Variants in MYT1 observed in about 807,000 individuals in gnomAD.
MYT1 encodes myelin transcription factor 1.
A neutral mutation model predicts 123.0 loss-of-function variants in MYT1; 23 were observed. The observed-to-expected ratio is 0.19, with a 90% CI of 0.13 to 0.26. MYT1 has a LOEUF of 0.26. Among genes scored for constraint, MYT1 ranks in the 10% least tolerant of loss-of-function variants. The probability of loss-of-function intolerance (pLI) is 1.00; values close to 1 mark genes in which losing one functional copy is unlikely to be tolerated. For synonymous variants in MYT1, 518 were observed against 575.3 expected (o/e 0.90, Z 1.43); for missense variants, 1,125 against 1,472.5 (o/e 0.76, Z 3.86).
At chr20:64,219,328 T>G (rs1266679867) in intron 12 of MYT1, among the ~76,000 whole-genome samples, 1 of 152,216 alleles carries the variant, frequency 6.6e-6, no homozygotes, top group Non-Finnish European at 1.5e-5. Context: ...CCTCTGAGCC[T>G]GAGGGTGGTG....
intron 10 of MYT1, among the ~76,000 whole-genome samples, chr20:64,214,508 G>A (rs1207046341): frequency 1.3e-5 from 2 of 152,188 alleles, no homozygotes; most frequent in Non-Finnish European, 2.9e-5. Flanking sequence ...AAGGCCAGAG[G>A]CTCAGAGAGT....
intron 16 of MYT1, among the ~76,000 whole-genome samples, chr20:64,225,045 G>A (rs1053839687): frequency 3.3e-5 from 5 of 152,116 alleles, no homozygotes; most frequent in Admixed American, 6.5e-5. Context: ...AAAGTGAACC[G>A]CTCATCAGCA....
intron 4 of MYT1, among the ~76,000 whole-genome samples, chr20:64,201,886 G>A (rs1218611680): frequency 7.1e-6 from 1 of 141,154 alleles, no homozygotes; most frequent in South Asian, 2.1e-4. Flanking sequence ...AGAGTCACCT[G>A]TCGGGAACCC....
In MYT1 at chr20:64,228,039, A is replaced by C. The variant is rs1014514492; in HGVS notation, c.2675+68A>C. On this transcript the variant is annotated intron_variant, in intron 18 of 22. Transcript: ENST00000328439. The stretch of plus-strand genomic sequence containing the variant: ...GAGATTTTCGTGTGTTTTATAATGT[A>C]AAAAAACTCCTACTAGATTCCCTTT... The C allele has an allele frequency of 3.5e-6, 5 of 1,447,440 alleles. No homozygotes were observed. The South Asian group carries it at 3.6e-5, about 10-fold the overall frequency. The allele number at this position is 1,447,440 out of a possible 1,614,324, so 89.7% of individuals were successfully genotyped here. A position where few individuals can be genotyped will look rare whatever the true frequency, so the allele number is the denominator to read the frequency against.
At chr20:64,237,514 C>T (rs1196429244) in intron 21 of MYT1, 124 bp downstream of exon 21, 8 of 721,522 alleles carry the variant, frequency 1.1e-5, no homozygotes, top group Non-Finnish European at 6.9e-6. Context: ...TGACGGACAG[C>T]GCAGTGGCTG....
At chr20:64,187,273 TCCA>T (rs1982838264) in intron 1 of MYT1, among the ~76,000 whole-genome samples, 1 of 145,032 alleles carries the variant, frequency 6.9e-6, no homozygotes. Context: ...GGCCCCGGCA[TCCA>T]TGTTTCCGTG....
intron 20 of MYT1, among the ~76,000 whole-genome samples, chr20:64,236,861 G>A (rs1984569564): frequency 6.6e-6 from 1 of 152,148 alleles, no homozygotes; most frequent in South Asian, 2.1e-4. Context: ...TGGCCCTGAG[G>A]AGGTCATGCC....
intron 12 of MYT1, 47 bp from the exon 13 acceptor site, chr20:64,219,666 A>ATT (rs779756144): frequency 3.3e-6 from 5 of 1,518,830 alleles, no homozygotes; most frequent in Non-Finnish European, 4.5e-6. Context: ...GAAGGCACAC[A>ATT]TGGGAAGGGA....
intron 13 of MYT1, among the ~76,000 whole-genome samples, chr20:64,220,300 A>T (rs560700825): frequency 6.6e-6 from 1 of 152,214 alleles, no homozygotes; most frequent in Non-Finnish European, 1.5e-5. Context: ...GGAGAAAGGC[A>T]TCGTTCAGAT....
rs573195141 is a variant in MYT1 at position 64,185,412 on chromosome 20, C to G, written c.-98-4651C>G. On this transcript the variant is annotated intron_variant, in intron 1 of 22. Coordinates refer to ENST00000328439, the MANE Select transcript of MYT1 (RefSeq NM_004535.3). This position sits in a 1 kb window ranked among gnomAD's most constrained non-coding sequence, Gnocchi z 4.5. ...CTCTTTGCTGAGGGGCAGGTGGTAA[C>G]AGCTCCTGGCCCCAAAGGCAGCCCT... 1.2e-4 allele frequency among the ~76,000 whole-genome samples: 18 copies of G among 152,314 alleles called. No individual in the cohort carries two copies. The highest frequency in any genetic ancestry group is 4.3e-4 in the African/African-American group (18 of 41,574).
chr20:64,176,700 G>A (rs73916725), intron 1 of MYT1, among the ~76,000 whole-genome samples: 1,716 of 152,330 alleles, frequency 0.011, 38 homozygotes, highest in African/African-American at 0.039. Context: ...CCTTGGTGCC[G>A]CCTGGGTTCC....
chr20:64,238,681 G>A (rs1984624827), intron 21 of MYT1, among the ~76,000 whole-genome samples: 1 of 134,912 alleles, frequency 7.4e-6, no homozygotes, highest in Non-Finnish European at 1.6e-5. Flanking sequence ...ATGCACTGTT[G>A]TGTGGGTGTC....
chr20:64,208,597 AAAAGCAGACAAAAGGAC>A lies in MYT1; in HGVS notation c.1291+114_1291+130del, dbSNP rs1450912992. On this transcript the variant is annotated intron_variant, in intron 7 of 22. Coordinates refer to ENST00000328439, the MANE Select transcript of MYT1 (RefSeq NM_004535.3). This position sits in a 1 kb window ranked among gnomAD's most constrained non-coding sequence, Gnocchi z 5.4. Reference sequence around the variant, plus strand: ...AGGACAGGGGGCTGGGGGATGGCAGAAAAGCAGACAAAAGGACAAATACATGACACAGACTGTGGTCA... The same window carrying A: ...AGGACAGGGGGCTGGGGGATGGCAGAAAATACATGACACAGACTGTGGTCA... The A allele has an allele frequency of 6.9e-7, 1 of 1,441,570 alleles. No individual in the cohort carries two copies. Among genetic ancestry groups the A allele is most frequent in the African/African-American group, 1.4e-5 (1 of 69,670 alleles). The allele number at this position is 1,441,570 out of a possible 1,614,324, so 89.3% of individuals were successfully genotyped here.
Position 64,203,724 on chromosome 20 carries a change from G to A in MYT1, c.87-1311G>A, listed in dbSNP as rs2003059. ...GACGGTTCTCCCAGAGGTAGTCGGGGAGGGTGGCCTGCAAGCCCACTGGGC... is the reference window on the plus strand; with the variant it reads ...GACGGTTCTCCCAGAGGTAGTCGGGAAGGGTGGCCTGCAAGCCCACTGGGC... On this transcript the variant is annotated intron_variant, in intron 4 of 22. Coordinates refer to ENST00000328439, the MANE Select transcript of MYT1 (RefSeq NM_004535.3). The surrounding 1 kb of genome is among the most constrained non-coding windows in gnomAD (Gnocchi z 5.1). Among the ~76,000 whole-genome samples the A allele has an allele frequency of 0.017, 2,654 of 152,328 alleles. 80 individuals carry two copies. The highest frequency in any genetic ancestry group is 0.061 in the African/African-American group (2,543 of 41,554).
At chr20:64,237,614 T>C (rs1984591335) in intron 21 of MYT1, among the ~76,000 whole-genome samples, 2 of 152,216 alleles carry the variant, frequency 1.3e-5, no homozygotes, top group Non-Finnish European at 2.9e-5. Flanking sequence ...CCGGAGCTGG[T>C]TGTCCCGCCA....
At chr20:64,199,647 T>C (rs1424514239) in intron 3 of MYT1, among the ~76,000 whole-genome samples, 2 of 152,146 alleles carry the variant, frequency 1.3e-5, no homozygotes, top group Non-Finnish European at 2.9e-5. Context: ...GCCAGGCTGC[T>C]CAGGGGAGCT....
intron 7 of MYT1, 60 bp from the exon 8 acceptor site, chr20:64,211,146 C>T (rs965000717): frequency 7.0e-6 from 11 of 1,564,238 alleles, no homozygotes; most frequent in African/African-American, 4.0e-5. Context: ...GCTACCCCTG[C>T]CCCCTCTCTG....
At chr20:64,195,427 A>G (rs1389464436) in intron 2 of MYT1, among the ~76,000 whole-genome samples, 5 of 99,212 alleles carry the variant, frequency 5.0e-5, no homozygotes, top group East Asian at 2.6e-4. Flanking sequence ...ACGGAGTCTC[A>G]CTCTGTCGCC....
intron 1 of MYT1, among the ~76,000 whole-genome samples, chr20:64,184,511 A>T (rs778882404): frequency 6.6e-6 from 1 of 152,134 alleles, no homozygotes; most frequent in Admixed American, 6.5e-5. Context: ...CTAGTAACAC[A>T]TTGCCTTGAT....
Sources: gnomAD v4.1 joint callset for allele counts (sites outside exome capture counted in the v4.1 genomes callset) on GRCh38, gnomAD v4.1.1 for gene constraint, Gnocchi (gnomAD v3.1) non-coding constraint, MANE v1.5 for transcripts, NCBI Gene and HGNC (gene_info 2026-07-23, HGNC 2026-07-21) for gene names.